DNMT3L: variants seen among roughly 807,000 people sequenced by gnomAD.
DNMT3L encodes the protein DNA (cytosine-5)-methyltransferase 3-like.
Under a neutral mutation model 36.2 loss-of-function variants are expected in DNMT3L, and 33 were observed. The ratio of observed to expected loss-of-function variants is 0.91; its 90% CI spans 0.69 to 1.22. The LOEUF (loss-of-function observed/expected upper bound fraction) is 1.22. Ranked by LOEUF, DNMT3L falls within the 50% of genes most tolerant of loss-of-function variation. The pLI is 0.00. For missense variants in DNMT3L, 310 were observed against 303.1 expected (o/e 1.02, Z -0.17); for synonymous variants, 117 against 121.7 (o/e 0.96, Z 0.26).
Position 44,255,921 on chromosome 21 carries a change from A to G in DNMT3L, c.604+146T>C, listed in dbSNP as rs1039476379. 132 of 733,756 alleles carry G rather than the reference A, an allele frequency of 1.8e-4. 1 individual carries two copies. Among genetic ancestry groups the G allele is most frequent in the Non-Finnish European group, 1.1e-4 (49 of 449,512 alleles). The allele number at this position is 733,756 out of a possible 1,614,324, so 45.5% of individuals were successfully genotyped here. On this transcript the variant is annotated intron_variant, in intron 7 of 11. Coordinates refer to ENST00000628202, the MANE Select transcript of DNMT3L (RefSeq NM_175867.3). Reference sequence around the variant, plus strand: ...CCAAAGGCCCCAGTGCAGGGTTAGCATGGGCCCAGGGTGGGGAAGGGTACA... The same window carrying G: ...CCAAAGGCCCCAGTGCAGGGTTAGCGTGGGCCCAGGGTGGGGAAGGGTACA...
chr21:44,255,505 C>CAAAAAA lies in DNMT3L; in HGVS notation c.604+556_604+561dup, dbSNP rs375122043. 4.7e-4 allele frequency among the ~76,000 whole-genome samples: 68 copies of CAAAAAA among 145,864 alleles called. 1 individual carries two copies. Among genetic ancestry groups the CAAAAAA allele is most frequent in the African/African-American group, 1.0e-3 (40 of 39,794 alleles). ...TGGGCAACAGAGCGAGACTCCGCCT[C>CAAAAAA]AAAAAAAAAAAGGATGTCAAGGACT... is the stretch of plus-strand genomic sequence containing the variant. On this transcript the variant is annotated intron_variant, in intron 7 of 11. Transcript: ENST00000628202.
chr21:44,256,090 G>T lies in DNMT3L; in HGVS notation c.581C>A (p.Ser194Tyr). The T allele has an allele frequency of 6.2e-7, 1 of 1,613,930 alleles. No individual in the cohort carries two copies. The highest frequency in any genetic ancestry group is 8.5e-7 in the Non-Finnish European group (1 of 1,179,994). ...VWRRQPVRVL[S>Y]LFEDIKKELT... Reference sequence around the variant, plus strand: ...ACCTTTCTTGATGTCTTCAAAAAGGGACAGCACCCGGACTGGCTGTCTCCT... The same window carrying T: ...ACCTTTCTTGATGTCTTCAAAAAGGTACAGCACCCGGACTGGCTGTCTCCT... Residue 194 changes from serine to tyrosine, a missense_variant, in exon 7 of 12, where the codon TCC (serine) becomes TAC (tyrosine). Transcript: ENST00000628202.
rs2040295333 is a variant in DNMT3L, at chr21:44,259,417, G to A, written c.344+20C>T. 3 of 1,612,364 alleles carry A rather than the reference G, an allele frequency of 1.9e-6. No individual in the cohort carries two copies. The highest frequency in any genetic ancestry group is 3.3e-4 in the Middle Eastern group (2 of 6,002). On this transcript the variant is annotated intron_variant, in intron 5 of 11. Coordinates refer to ENST00000628202, the MANE Select transcript of DNMT3L (RefSeq NM_175867.3). ...GTGTCCTCAGCCCCTTCACCCCCCT[G>A]GGCAGGCCCCTCGCCTCACCGGGTG... is the stretch of plus-strand genomic sequence containing the variant.
At chr21:44,254,742 G>A (rs1343086273) in intron 7 of DNMT3L, 37 bp from the exon 8 acceptor site, 3 of 1,610,172 alleles carry the variant, frequency 1.9e-6, no homozygotes, top group South Asian at 1.1e-5. Context: ...CAGAGGGTGA[G>A]CGTGGATTGT....
chr21:44,256,419 A>ATTTTTTTTTT (rs937821792), intron 6 of DNMT3L, among the ~76,000 whole-genome samples: 1 of 103,776 alleles, frequency 9.6e-6, no homozygotes, highest in Non-Finnish European at 1.9e-5. Flanking sequence ...GGGTTTGCTG[A>ATTTTTTTTTT]TTTTTTTTTT....
intron 6 of DNMT3L, among the ~76,000 whole-genome samples, chr21:44,257,082 TAA>T (rs2040265348): frequency 6.6e-6 from 1 of 152,146 alleles, no homozygotes; most frequent in African/African-American, 2.4e-5. Flanking sequence ...GCCTGCAAAT[TAA>T]AACAGACTGG....
In DNMT3L at chr21:44,259,447, C is replaced by T. The variant is rs143186240; in HGVS notation, c.334G>A (p.Asp112Asn). ...GETLLICGNP[D>N]CTRCYCFECV... ...GGCCCCTCGCCTCACCGGGTGCAAT[C>T]AGGGTTTCCGCAGATGAGCAGCGTC... The change falls in exon 5 of 12, where the codon GAT becomes AAT. Residue 112 changes from aspartate to asparagine, a missense_variant. Asp to Asn is a conservative substitution (Grantham distance 23). Coordinates refer to ENST00000628202, the MANE Select transcript of DNMT3L (RefSeq NM_175867.3). 1 of 1,613,598 alleles carries T rather than the reference C, an allele frequency of 6.2e-7. No homozygotes were observed. Among genetic ancestry groups the T allele is most frequent in the East Asian group, 2.2e-5 (1 of 44,886 alleles).
At chr21:44,260,494 C>T (rs1297959911) in intron 3 of DNMT3L, among the ~76,000 whole-genome samples, 3 of 152,302 alleles carry the variant, frequency 2.0e-5, no homozygotes, top group African/African-American at 7.2e-5. Flanking sequence ...TCACCGTCAC[C>T]CAGGCTGGAG....
At position 44,258,547 on chromosome 21, in the gene DNMT3L, G is replaced by C; in HGVS notation, c.492C>G (p.Leu164=). Residue 164 remains leucine, a synonymous_variant, in exon 6 of 12, where the codon CTC becomes CTG. Transcript: ENST00000628202. This position sits in a 1 kb window ranked among gnomAD's most constrained non-coding sequence, Gnocchi z 6.2. ...LQRRRKWRSQ[L]KAFYDRESEN... ...CCGACTCTCGGTCGTAGAAGGCCTT[G>C]AGCTGGCTGCGCCACTTCCTCCGAC... 1 of 1,588,632 alleles carries C rather than the reference G, an allele frequency of 6.3e-7. No homozygotes were observed. The highest frequency in any genetic ancestry group is 1.1e-5 in the South Asian group (1 of 88,128).
intron 7 of DNMT3L, 49 bp from the exon 8 acceptor site, chr21:44,254,754 C>T: frequency 6.3e-7 from 1 of 1,595,732 alleles, no homozygotes; most frequent in Non-Finnish European, 8.6e-7. Flanking sequence ...GTGGATTGTG[C>T]CCCTACAGGG....
chr21:44,260,841 T>C lies in DNMT3L; in HGVS notation c.107-2A>G, dbSNP rs553210775. 1.9e-6 allele frequency: 3 copies of C among 1,613,054 alleles called. No homozygotes were observed. Among genetic ancestry groups the C allele is most frequent in the South Asian group, 1.1e-5 (1 of 91,086 alleles). ...CCTTGACTTCATATGCAATAAGATC[T>C]GGAAAGGAAGATAAGAAGTAGCCCC... On this transcript the variant is annotated splice_acceptor_variant, in intron 2 of 11. Transcript: ENST00000628202. LOFTEE classifies it high-confidence loss of function.
At chr21:44,259,151 A>AC (rs1368192195) in intron 5 of DNMT3L, among the ~76,000 whole-genome samples, 1 of 152,056 alleles carries the variant, frequency 6.6e-6, no homozygotes, top group Non-Finnish European at 1.5e-5. Flanking sequence ...ACCCCTTGTC[A>AC]CCCCGGTCAT....
intron 1 of DNMT3L, among the ~76,000 whole-genome samples, 200 bp downstream of exon 1, chr21:44,261,540 G>A (rs965206496): frequency 2.0e-5 from 3 of 152,196 alleles, no homozygotes; most frequent in East Asian, 3.9e-4. Flanking sequence ...AAAAAGGGGA[G>A]GGCAGGGCCC....
Position 44,259,622 on chromosome 21 carries a change from C to A in DNMT3L, c.231+10G>T. The A allele has an allele frequency of 6.2e-7, 1 of 1,613,352 alleles. No individual in the cohort carries two copies. The highest frequency in any genetic ancestry group is 8.5e-7 in the Non-Finnish European group (1 of 1,179,912). ...GCCATGAGGGAGTCACCCCCAGCCT[C>A]CCTGCCTACCTTACATGGGGCGCAG... On this transcript the variant is annotated intron_variant, in intron 4 of 11. Coordinates refer to ENST00000628202, the MANE Select transcript of DNMT3L (RefSeq NM_175867.3).
At position 44,258,730 on chromosome 21, in the gene DNMT3L, A is replaced by G. The variant is rs2040287441; in HGVS notation, c.345-36T>C. ...ACAGAAAACCACAGCAGCGGACATGACAGCCCACCTCTCCTGAGGATGGCA... is the reference window on the plus strand; with the variant it reads ...ACAGAAAACCACAGCAGCGGACATGGCAGCCCACCTCTCCTGAGGATGGCA... On this transcript the variant is annotated intron_variant, in intron 5 of 11. Transcript: ENST00000628202. This position sits in a 1 kb window ranked among gnomAD's most constrained non-coding sequence, Gnocchi z 6.2. 2.5e-6 allele frequency: 4 copies of G among 1,601,206 alleles called. No individual in the cohort carries two copies. The highest frequency in any genetic ancestry group is 3.4e-6 in the Non-Finnish European group (4 of 1,171,872).
At position 44,259,709 on chromosome 21, in the gene DNMT3L, T is replaced by C; in HGVS notation, c.154A>G (p.Ile52Val). Reference sequence around the variant, plus strand: ...TGGAGACTTCCGCAGCAGATGCAGATGTCTAAAGGAAACATTCAAAGCACA... The same window carrying C: ...TGGAGACTTCCGCAGCAGATGCAGACGTCTAAAGGAAACATTCAAAGCACA... ...VKANQRNIED[I>V]CICCGSLQVH... Residue 52 changes from isoleucine to valine, a missense_variant and splice_region_variant, in exon 4 of 12, where the codon ATC becomes GTC. Transcript: ENST00000628202. 1.2e-6 allele frequency: 2 copies of C among 1,609,766 alleles called. No homozygotes were observed. Among genetic ancestry groups the C allele is most frequent in the African/African-American group, 1.3e-5 (1 of 74,966 alleles).
At chr21:44,260,910 T>C (rs1193549866) in intron 2 of DNMT3L, 71 bp from the exon 3 acceptor site, 4 of 1,608,330 alleles carry the variant, frequency 2.5e-6, no homozygotes, top group Non-Finnish European at 3.4e-6. Flanking sequence ...GGCCAGGAAG[T>C]GAGCATCACA....
chr21:44,259,927 G>A (rs1317613562), intron 3 of DNMT3L, among the ~76,000 whole-genome samples: 2 of 151,824 alleles, frequency 1.3e-5, no homozygotes, highest in African/African-American at 2.4e-5. Flanking sequence ...GCTCATGCCT[G>A]TAATTCCAGC....
At chr21:44,261,006 G>C (rs919751367) in intron 2 of DNMT3L, 148 bp downstream of exon 2, 2 of 1,340,088 alleles carry the variant, frequency 1.5e-6, no homozygotes, top group African/African-American at 2.9e-5. Context: ...GCCCATACCT[G>C]GGGGAAGACT....
Sources: allele counts gnomAD v4.1 joint callset (sites outside exome capture counted in the v4.1 genomes callset), GRCh38; gene constraint gnomAD v4.1.1; non-coding constraint Gnocchi (gnomAD v3.1); transcripts MANE v1.5; gene names NCBI Gene and HGNC (gene_info 2026-07-23, HGNC 2026-07-21).